Variants in REPS1 observed in about 807,000 individuals in gnomAD.
REPS1 encodes the protein ralBP1-associated Eps domain-containing protein 1.
A neutral mutation model predicts 100.9 loss-of-function variants in REPS1; 39 were observed. The observed-to-expected ratio is 0.39, with a 90% CI of 0.30 to 0.50. The LOEUF (loss-of-function observed/expected upper bound fraction) is 0.50, where lower values mean the gene tolerates loss of function less well. REPS1 is among the 20% of genes least tolerant of loss of function. The pLI, the probability that REPS1 is intolerant of heterozygous loss-of-function variation, is 0.86. For synonymous variants in REPS1, 324 were observed against 340.3 expected (o/e 0.95, Z 0.53); for missense variants, 821 against 968.5 (o/e 0.85, Z 2.02).
intron 1 of REPS1, among the ~76,000 whole-genome samples, chr6:138,977,842 C>G (rs987404067): frequency 2.6e-5 from 4 of 152,220 alleles, no homozygotes; most frequent in Non-Finnish European, 4.4e-5. Context: ...CCCAATGTGG[C>G]TGTGTCATTT....
intron 1 of REPS1, among the ~76,000 whole-genome samples, chr6:138,973,681 C>G (rs1784455155): frequency 6.6e-6 from 1 of 151,614 alleles, no homozygotes; most frequent in Non-Finnish European, 1.5e-5. Flanking sequence ...GCTGTGTAAT[C>G]GTAGAGAAGT....
chr6:138,987,825 G>T lies in REPS1; in HGVS notation c.-143C>A. 2 of 1,043,470 alleles carry T rather than the reference G, an allele frequency of 1.9e-6. No individual in the cohort carries two copies. Among genetic ancestry groups the T allele is most frequent in the Non-Finnish European group, 2.5e-6 (2 of 796,372 alleles). 64.6% of individuals were successfully genotyped at this position (1,043,470 alleles called of 1,614,324 possible). ...CCGGCCCCGGCCTCACACGCGCCAG[G>T]TGCGCCCGAGCAACAGGGCCCGGAG... On this transcript the variant is annotated 5_prime_UTR_variant, in exon 1 of 20. Coordinates refer to ENST00000450536, the MANE Select transcript of REPS1 (RefSeq NM_001286611.2).
At chr6:138,912,718 G>C (rs1780088708) in intron 16 of REPS1, 47 bp downstream of exon 16, 2 of 1,553,024 alleles carry the variant, frequency 1.3e-6, no homozygotes, top group Non-Finnish European at 1.8e-6. Flanking sequence ...AACATGGTAT[G>C]GGAAGTGACT....
chr6:138,919,460 T>A (rs1780612117), intron 12 of REPS1, among the ~76,000 whole-genome samples: 1 of 152,242 alleles, frequency 6.6e-6, no homozygotes, highest in Non-Finnish European at 1.5e-5. Flanking sequence ...AACCTTCGAT[T>A]GGCTTTTCAT....
intron 8 of REPS1, among the ~76,000 whole-genome samples, chr6:138,932,086 C>A (rs780765985): frequency 2.0e-5 from 3 of 152,154 alleles, no homozygotes; most frequent in Non-Finnish European, 2.9e-5. Context: ...CTTCTACTGA[C>A]AAATTTAGGG....
intron 13 of REPS1, 52 bp downstream of exon 13, chr6:138,917,503 T>C: frequency 2.2e-6 from 3 of 1,386,750 alleles, no homozygotes; most frequent in Non-Finnish European, 3.1e-6. Flanking sequence ...GTTTTAAACA[T>C]TAAAACGCAG....
At chr6:138,966,491 A>C (rs1034435858) in intron 1 of REPS1, among the ~76,000 whole-genome samples, 3 of 152,174 alleles carry the variant, frequency 2.0e-5, no homozygotes, top group Admixed American at 2.0e-4. Flanking sequence ...TAACGTGTTA[A>C]CTAACCTAAT....
At chr6:138,921,567 CTTTTTTTTTT>C (rs755518526) in intron 10 of REPS1, among the ~76,000 whole-genome samples, 20 of 57,680 alleles carry the variant, frequency 3.5e-4, no homozygotes, top group African/African-American at 9.7e-4. Context: ...TAGGAGGATC[CTTTTTTTTTT>C]TTTTTTTTTT....
chr6:138,943,956 T>C lies in REPS1; in HGVS notation c.813A>G (p.Gln271=). 2 of 1,613,762 alleles carry C rather than the reference T, an allele frequency of 1.2e-6. No individual in the cohort carries two copies. Among genetic ancestry groups the C allele is most frequent in the Non-Finnish European group, 1.7e-6 (2 of 1,179,732 alleles). ...TCCAGGGATCATCATAACTACTGGA[T>C]TGCCTACGAATTTCAATGGCAGTTG... ...SATTAIEIRR[Q]SSSYDDPWKI... Residue 271 remains glutamine, a synonymous_variant, in exon 6 of 20, where the codon CAA becomes CAG. Coordinates refer to ENST00000450536, the MANE Select transcript of REPS1 (RefSeq NM_001286611.2).
At chr6:138,938,005 C>CT (rs34900381) in intron 8 of REPS1, among the ~76,000 whole-genome samples, 94,274 of 148,338 alleles carry the variant, frequency 0.64, 29,912 homozygotes, top group Non-Finnish European at 0.67. Context: ...TCATCTTAAT[C>CT]TTTTTTTTTT....
intron 8 of REPS1, among the ~76,000 whole-genome samples, chr6:138,935,728 C>A (rs1189685626): frequency 1.3e-5 from 2 of 151,742 alleles, no homozygotes; most frequent in East Asian, 1.9e-4. Flanking sequence ...GTGGCGCATG[C>A]CTGTAATCCC....
intron 1 of REPS1, among the ~76,000 whole-genome samples, chr6:138,969,186 C>CA (rs775468664): frequency 2.9e-4 from 42 of 146,408 alleles, no homozygotes; most frequent in Non-Finnish European, 7.5e-5. Context: ...GGGAGGAAAA[C>CA]AAAATTTTAA....
intron 17 of REPS1, among the ~76,000 whole-genome samples, chr6:138,910,769 G>A (rs1362679159): frequency 6.6e-6 from 1 of 152,182 alleles, no homozygotes; most frequent in African/African-American, 2.4e-5. Flanking sequence ...GGCATGGAGA[G>A]ATATGTAGTA....
At chr6:138,920,178 AGT>A in intron 12 of REPS1, 35 bp downstream of exon 12, 1 of 1,074,778 alleles carries the variant, frequency 9.3e-7, no homozygotes, top group Non-Finnish European at 1.4e-6. Flanking sequence ...ATCCAGACTT[AGT>A]AAACTTCAAA....
At chr6:138,984,197 C>A (rs568764462) in intron 1 of REPS1, among the ~76,000 whole-genome samples, 2 of 152,022 alleles carry the variant, frequency 1.3e-5, no homozygotes. Flanking sequence ...GATTCTCCTG[C>A]CTCAGCCTCT....
At chr6:138,911,466 A>T in intron 16 of REPS1, 95 bp from the exon 17 acceptor site, 1 of 857,264 alleles carries the variant, frequency 1.2e-6, no homozygotes, top group Non-Finnish European at 1.9e-6. Flanking sequence ...AATGTTAAAT[A>T]TTCTGACAAG....
At chr6:138,918,842 T>C (rs191286842) in intron 12 of REPS1, among the ~76,000 whole-genome samples, 1 of 152,130 alleles carries the variant, frequency 6.6e-6, no homozygotes, top group African/African-American at 2.4e-5. Flanking sequence ...AGACTAAGAG[T>C]TGTGACAGAA....
chr6:138,904,054 T>A lies in REPS1; in HGVS notation c.*1010A>T, dbSNP rs1204189798. On this transcript the variant is annotated 3_prime_UTR_variant, in exon 20 of 20. Coordinates refer to ENST00000450536, the MANE Select transcript of REPS1 (RefSeq NM_001286611.2). ...TGTTTTATTGGTGTAAAACCACACTTCTGATTCTGCCAAGATATATCCATG... is the reference window on the plus strand; with the variant it reads ...TGTTTTATTGGTGTAAAACCACACTACTGATTCTGCCAAGATATATCCATG... The A allele has an allele frequency of 6.6e-6, 1 of 152,208 alleles. No individual in the cohort carries two copies. Among genetic ancestry groups the A allele is most frequent in the African/African-American group, 2.4e-5 (1 of 41,460 alleles). 9.4% of individuals were successfully genotyped at this position (152,208 alleles called of 1,614,324 possible).
intron 2 of REPS1, among the ~76,000 whole-genome samples, chr6:138,947,362 C>T (rs1032632396): frequency 6.6e-6 from 1 of 151,870 alleles, no homozygotes; most frequent in Non-Finnish European, 1.5e-5. Context: ...ACTGAAGCCT[C>T]CACAGCCTTC....
Sources: gnomAD v4.1 joint callset for allele counts (sites outside exome capture counted in the v4.1 genomes callset) on GRCh38, gnomAD v4.1.1 for gene constraint, MANE v1.5 for transcripts, NCBI Gene and HGNC (gene_info 2026-07-23, HGNC 2026-07-21) for gene names.